The following PLD5 variants were observed in gnomAD, a reference collection of about 807,000 sequenced individuals.
PLD5 encodes the protein inactive phospholipase D5.
PLD5 carries 36 observed loss-of-function variants against 61.1 expected under a neutral mutation model. The observed-to-expected ratio is 0.59, with a 90% CI of 0.45 to 0.78. The LOEUF (loss-of-function observed/expected upper bound fraction) is 0.78, where lower values mean the gene tolerates loss of function less well. Among genes scored for constraint, PLD5 ranks in the 30% least tolerant of loss-of-function variants. The pLI, the probability that PLD5 is intolerant of heterozygous loss-of-function variation, is 0.00. For missense variants in PLD5, 515 were observed against 644.4 expected, an observed-to-expected ratio of 0.80 and a Z score of 2.17; for synonymous variants, 243 against 242.8, an observed-to-expected ratio of 1.00 and a Z score of -0.01.
At chr1:242,235,791 C>G (rs1302368493) in intron 4 of PLD5, 2 of 152,152 alleles carry the variant, frequency 1.3e-5, no homozygotes, top group African/African-American at 2.4e-5. Context: ...ACACACCTCA[C>G]AGAGAGGCAT....
chr1:242,305,990 G>A (rs1007379352), intron 2 of PLD5, among the ~76,000 whole-genome samples: 1 of 152,172 alleles, frequency 6.6e-6, no homozygotes, highest in African/African-American at 2.4e-5. Flanking sequence ...AAGGACCAAA[G>A]GACCCGCCAC....
chr1:242,090,145 A>G, intron 9 of PLD5, 35 bp from the exon 10 acceptor site: 1 of 1,611,208 alleles, frequency 6.2e-7, no homozygotes, highest in Non-Finnish European at 8.5e-7. Flanking sequence ...TTGAGGAGTT[A>G]GAGTCCACTG....
chr1:242,332,592 T>C (rs920631577), intron 2 of PLD5, among the ~76,000 whole-genome samples: 9 of 152,198 alleles, frequency 5.9e-5, no homozygotes, highest in Admixed American at 4.6e-4. Context: ...TGGCGTGAGA[T>C]AGTGTCTCAT....
chr1:242,210,688 G>A (rs1047767184), intron 5 of PLD5: 1 of 152,228 alleles, frequency 6.6e-6, no homozygotes, highest in Non-Finnish European at 1.5e-5. Flanking sequence ...TGCCCGCCAG[G>A]GAACAATCCC....
chr1:242,482,040 A>G (rs1315613224), intron 1 of PLD5, among the ~76,000 whole-genome samples: 1 of 152,212 alleles, frequency 6.6e-6, no homozygotes, highest in African/African-American at 2.4e-5. Context: ...AAGGACATCC[A>G]CAACAAAACC....
At chr1:242,354,466 C>T (rs1660643513) in intron 1 of PLD5, among the ~76,000 whole-genome samples, 1 of 152,152 alleles carries the variant, frequency 6.6e-6, no homozygotes, top group South Asian at 2.1e-4. Context: ...AATATGATTG[C>T]TGTCTACCAC....
At chr1:242,525,061 C>A (rs906728719), upstream of PLD5, among the ~76,000 whole-genome samples, 1 of 151,884 alleles carries the variant, frequency 6.6e-6, no homozygotes, top group Non-Finnish European at 1.5e-5. Flanking sequence ...CTCACCCTGC[C>A]CCCGGCTCGC....
chr1:242,336,438 G>A (rs1274235636), intron 2 of PLD5, among the ~76,000 whole-genome samples: 1 of 152,062 alleles, frequency 6.6e-6, no homozygotes, highest in Non-Finnish European at 1.5e-5. Flanking sequence ...AGGACTAGTT[G>A]AATTATTTAT....
rs371881675 is a variant in PLD5 at position 242,444,349 on chromosome 1, C to G, written c.189+79739G>C. On this transcript the variant is annotated intron_variant, in intron 1 of 9. Transcript: ENST00000536534. ...CCTTTATTCTATGTGCTTTAGTTTT[C>G]AAGTACCGGAGAAGAGGGAGGTATT... Among the ~76,000 whole-genome samples the G allele has an allele frequency of 3.7e-4, 56 of 152,178 alleles. No homozygotes were observed. In the Middle Eastern group the frequency reaches 0.01, roughly 28 times the overall value.
chr1:242,331,568 G>T (rs1423479025), intron 2 of PLD5, among the ~76,000 whole-genome samples: 1 of 152,126 alleles, frequency 6.6e-6, no homozygotes, highest in East Asian at 1.9e-4. Flanking sequence ...TGAAAACTGA[G>T]GCCTCTGAAA....
chr1:242,114,851 T>G (rs1392751220), intron 6 of PLD5, among the ~76,000 whole-genome samples: 2 of 152,164 alleles, frequency 1.3e-5, no homozygotes, highest in East Asian at 3.8e-4. Context: ...TGTATAGTTA[T>G]TTCATTATAT....
chr1:242,448,167 A>T (rs955814163), intron 1 of PLD5, among the ~76,000 whole-genome samples: 1 of 152,188 alleles, frequency 6.6e-6, no homozygotes, highest in Non-Finnish European at 1.5e-5. Flanking sequence ...AGAGGGAAAA[A>T]TCTGACCTTT....
intron 1 of PLD5, among the ~76,000 whole-genome samples, chr1:242,464,109 C>T (rs1288241907): frequency 6.6e-6 from 1 of 152,214 alleles, no homozygotes; most frequent in East Asian, 1.9e-4. Context: ...CATTCCTCCT[C>T]CTTGACACAA....
chr1:242,328,438 C>T (rs1658955541), intron 2 of PLD5, among the ~76,000 whole-genome samples: 1 of 152,094 alleles, frequency 6.6e-6, no homozygotes, highest in Non-Finnish European at 1.5e-5. Flanking sequence ...GTGTGTTCTA[C>T]ATACATGTGT....
intron 2 of PLD5, among the ~76,000 whole-genome samples, chr1:242,321,727 A>T (rs1658425896): frequency 6.6e-6 from 1 of 152,120 alleles, no homozygotes; most frequent in Non-Finnish European, 1.5e-5. Flanking sequence ...CATCAAGATG[A>T]TATATAAGCT....
At chr1:242,207,809 T>TA (rs1491409105) in intron 5 of PLD5, among the ~76,000 whole-genome samples, 3 of 80,744 alleles carry the variant, frequency 3.7e-5, no homozygotes, top group Non-Finnish European at 6.4e-5. Context: ...TTTATATATA[T>TA]TTATATTTAT....
chr1:242,354,429 C>T (rs2580251), intron 1 of PLD5, among the ~76,000 whole-genome samples: 102 of 152,254 alleles, frequency 6.7e-4, no homozygotes, highest in African/African-American at 2.1e-3. Flanking sequence ...ATAAGTCAGC[C>T]GTGCTCTTCA....
chr1:242,480,649 A>T (rs1000311096), intron 1 of PLD5, among the ~76,000 whole-genome samples: 2 of 152,018 alleles, frequency 1.3e-5, no homozygotes, highest in African/African-American at 4.8e-5. Context: ...CTTAATATTA[A>T]TAATAAGACC....
intron 5 of PLD5, among the ~76,000 whole-genome samples, chr1:242,176,263 G>A (rs1453398734): frequency 6.6e-6 from 1 of 152,100 alleles, no homozygotes; most frequent in Non-Finnish European, 1.5e-5. Flanking sequence ...ACAGAACAGA[G>A]CCCTCAGAAA....
Sources: allele counts gnomAD v4.1 joint callset (sites outside exome capture counted in the v4.1 genomes callset), GRCh38; gene constraint gnomAD v4.1.1; transcripts MANE v1.5; gene names NCBI Gene and HGNC (gene_info 2026-07-23, HGNC 2026-07-21).